LTBP1: variants seen among roughly 807,000 people sequenced by gnomAD.
The protein encoded by LTBP1 is latent transforming growth factor beta binding protein 1.
A neutral mutation model predicts 207.6 loss-of-function variants in LTBP1; 129 were observed. The observed-to-expected ratio is 0.62, with a 90% confidence interval of 0.54 to 0.72. LTBP1 has a LOEUF of 0.72. Ranked by LOEUF, LTBP1 falls within the 30% of genes least tolerant of loss-of-function variation. The pLI, the probability that LTBP1 is intolerant of heterozygous loss-of-function variation, is 0.00. For synonymous variants in LTBP1, 963 were observed against 833.7 expected (o/e 1.16, Z -2.67); for missense variants, 2,281 against 2,217.2 (o/e 1.03, Z -0.58).
intron 3 of LTBP1, among the ~76,000 whole-genome samples, chr2:33,084,985 G>T (rs2078666306): frequency 6.6e-6 from 1 of 152,180 alleles, no homozygotes; most frequent in South Asian, 2.1e-4. Context: ...GGAAAATTAA[G>T]GATCTAGAGA....
At chr2:33,258,857 T>A (rs1296783554) in intron 12 of LTBP1, among the ~76,000 whole-genome samples, 2 of 152,154 alleles carry the variant, frequency 1.3e-5, no homozygotes, top group Admixed American at 6.5e-5. Flanking sequence ...ATGAGAAAAA[T>A]CCTGGTGAAT....
At position 33,222,148 on chromosome 2, in the gene LTBP1, CA is replaced by C; in HGVS notation, c.1875del (p.Asp626IlefsTer17). ...TAAGCGGGTTAACAACACCTTTTGC[CA>C]AGGTAAGACTAACTGAATTCATTGA... is the stretch of plus-strand genomic sequence containing the variant. ...GYKRVNNTFC[Q>X]DINECQLQGV... On this transcript the variant is annotated frameshift_variant and splice_region_variant, in exon 9 of 34. Coordinates refer to ENST00000404816, the MANE Select transcript of LTBP1 (RefSeq NM_206943.4). LOFTEE classifies it high-confidence loss of function. 1 of 1,605,322 alleles carries C rather than the reference CA, an allele frequency of 6.2e-7. No homozygotes were observed. Among genetic ancestry groups the C allele is most frequent in the Non-Finnish European group, 8.5e-7 (1 of 1,171,896 alleles).
chr2:33,227,467 C>T (rs899982129), intron 9 of LTBP1, among the ~76,000 whole-genome samples: 6 of 152,064 alleles, frequency 3.9e-5, no homozygotes, highest in Admixed American at 3.3e-4. Flanking sequence ...AACATAGTAC[C>T]TCTAAACAGA....
At chr2:32,975,269 T>C (rs1381599389) in intron 2 of LTBP1, among the ~76,000 whole-genome samples, 1 of 152,178 alleles carries the variant, frequency 6.6e-6, no homozygotes, top group Non-Finnish European at 1.5e-5. Flanking sequence ...GGAGTTCCCT[T>C]TGTAGGTGAC....
At chr2:33,146,320 A>G (rs765793097) in intron 5 of LTBP1, among the ~76,000 whole-genome samples, 1 of 152,110 alleles carries the variant, frequency 6.6e-6, no homozygotes, top group Non-Finnish European at 1.5e-5. Context: ...AAACCTAACA[A>G]TTTGGTGGTG....
chr2:33,061,279 A>T (rs932495760), intron 3 of LTBP1: 4 of 152,278 alleles, frequency 2.6e-5, no homozygotes, highest in Non-Finnish European at 2.9e-5. Flanking sequence ...TTACCTATAA[A>T]CACTTTGTCA....
chr2:33,152,415 A>G (rs1303750786), intron 5 of LTBP1, among the ~76,000 whole-genome samples: 1 of 152,184 alleles, frequency 6.6e-6, no homozygotes. Context: ...ATCAAAAAAC[A>G]GTAGATGTTG....
intron 23 of LTBP1, among the ~76,000 whole-genome samples, chr2:33,311,627 G>T (rs1015163085): frequency 6.6e-6 from 1 of 150,418 alleles, no homozygotes; most frequent in Non-Finnish European, 1.5e-5. Context: ...AATTCTTCTC[G>T]TCACAATTTG....
At chr2:33,072,265 G>C (rs968487417) in intron 3 of LTBP1, among the ~76,000 whole-genome samples, 7 of 152,192 alleles carry the variant, frequency 4.6e-5, no homozygotes, top group Non-Finnish European at 1.0e-4. Context: ...GATCTTCCAT[G>C]TCCTCCCGGG....
chr2:32,971,002 TTGTGTGTGTGTGTG>T (rs56246215), intron 2 of LTBP1, among the ~76,000 whole-genome samples: 9 of 142,636 alleles, frequency 6.3e-5, no homozygotes, highest in African/African-American at 1.6e-4. Flanking sequence ...TCCTAGGTAT[TTGTGTGTGTGTGTG>T]TGTGTGTGTG....
In LTBP1 at chr2:33,282,977, C is replaced by A. The variant is rs543312097; in HGVS notation, c.3112+2819C>A. Among the ~76,000 whole-genome samples the A allele has an allele frequency of 4.7e-5, 7 of 149,056 alleles. No homozygotes were observed. The East Asian group carries it at 1.2e-3, about 26-fold the overall frequency. On this transcript the variant is annotated intron_variant, in intron 19 of 33. Transcript: ENST00000404816. ...ACCCAGTAGGCTGAGGCAGGAGAATCGCTTGAACCTGGGAGGCGGAGGTTG... is the reference window on the plus strand; with the variant it reads ...ACCCAGTAGGCTGAGGCAGGAGAATAGCTTGAACCTGGGAGGCGGAGGTTG...
intron 5 of LTBP1, among the ~76,000 whole-genome samples, chr2:33,185,819 A>G (rs115671093): frequency 8.5e-4 from 129 of 152,306 alleles, no homozygotes; most frequent in African/African-American, 3.0e-3. Context: ...GAAGTCAACA[A>G]ACAATTATGG....
rs1365605339 is a variant in LTBP1 at position 33,021,123 on chromosome 2, A to G, written c.780A>G (p.Leu260=). ...CTTCATCTAAGAAGGCAGACACTCT[A>G]CCAAGAGTCAGCCCTGTGGCCCAGA... The part of the protein sequence containing the change: ...KHTSSKKADT[L]PRVSPVAQMT... Residue 260 remains leucine (L), a synonymous_variant, in exon 3 of 34, where the codon CTA becomes CTG. Transcript: ENST00000404816. 3 of 1,613,972 alleles carry G rather than the reference A, an allele frequency of 1.9e-6. No individual in the cohort carries two copies.
intron 20 of LTBP1, among the ~76,000 whole-genome samples, chr2:33,298,069 G>A (rs111654324): frequency 2.6e-5 from 4 of 152,302 alleles, no homozygotes; most frequent in East Asian, 3.9e-4. Flanking sequence ...TTCACATGTC[G>A]GGGGTGTGTG....
At position 33,051,276 on chromosome 2, in the gene LTBP1, G is replaced by A. The variant is rs557319170; in HGVS notation, c.863+30070G>A. Among the ~76,000 whole-genome samples the A allele has an allele frequency of 1.4e-4, 21 of 152,242 alleles. 1 individual carries two copies. In the South Asian group the frequency reaches 4.2e-3, roughly 30 times the overall value. On this transcript the variant is annotated intron_variant, in intron 3 of 33. Transcript: ENST00000404816. ...TACAAAAAATACAAAAATTGGCTGG[G>A]TGTGGTGGTGTGTGCCTGTTGTTCT... is the stretch of plus-strand genomic sequence containing the variant.
At chr2:33,303,461 T>C (rs1049521638) in intron 22 of LTBP1, among the ~76,000 whole-genome samples, 3 of 151,374 alleles carry the variant, frequency 2.0e-5, no homozygotes, top group Admixed American at 1.3e-4. Flanking sequence ...ACCATTCTCC[T>C]GCCTCAGCCT....
intron 19 of LTBP1, among the ~76,000 whole-genome samples, chr2:33,283,968 GT>G (rs1187766625): frequency 2.0e-5 from 3 of 151,776 alleles, no homozygotes; most frequent in Admixed American, 6.6e-5. Flanking sequence ...TATGCTTATA[GT>G]TTTTTTTCTA....
At chr2:33,259,289 A>C (rs1343710806) in intron 12 of LTBP1, among the ~76,000 whole-genome samples, 3 of 152,244 alleles carry the variant, frequency 2.0e-5, no homozygotes, top group Non-Finnish European at 4.4e-5. Flanking sequence ...AAGGCATAAA[A>C]TGTTGTACCA....
chr2:33,161,813 C>A (rs947219198), intron 5 of LTBP1, among the ~76,000 whole-genome samples: 1 of 152,130 alleles, frequency 6.6e-6, no homozygotes, highest in East Asian at 1.9e-4. Flanking sequence ...CATTCATGAT[C>A]GCTTTTATTG....
Sources: gnomAD v4.1 joint callset for allele counts (sites outside exome capture counted in the v4.1 genomes callset) on GRCh38, gnomAD v4.1.1 for gene constraint, MANE v1.5 for transcripts, NCBI Gene and HGNC (gene_info 2026-07-23, HGNC 2026-07-21) for gene names.